ZNF529: variants seen among roughly 807,000 people sequenced by gnomAD.
The protein encoded by ZNF529 is zinc finger protein 529.
A neutral mutation model predicts 10.1 loss-of-function variants in ZNF529; 11 were observed. The ratio of observed to expected loss-of-function variants is 1.09; its 90% CI spans 0.69 to 1.81. The LOEUF (loss-of-function observed/expected upper bound fraction) is 1.81, where lower values mean the gene tolerates loss of function less well. Among genes scored for constraint, ZNF529 ranks in the 40% most tolerant of loss-of-function variants. The probability of loss-of-function intolerance (pLI) is 0.00; values close to 1 mark genes in which losing one functional copy is unlikely to be tolerated. For synonymous variants in ZNF529, 204 were observed against 215.7 expected (o/e 0.95, Z 0.47); for missense variants, 624 against 666.8 (o/e 0.94, Z 0.71).
chr19:36,565,444 T>C (rs1282579993), intron 2 of ZNF529, among the ~76,000 whole-genome samples: 1 of 152,198 alleles, frequency 6.6e-6, no homozygotes. Flanking sequence ...GGCTCACACC[T>C]GTAATCCCAG....
rs2034948214 is a variant in ZNF529, at chr19:36,544,730, CTT to C, written c.*2134_*2135del. ...CATGAAACAACAACCAATTACATAT[CTT>C]TTAAAACTACTTGAATAAGCAATAC... On this transcript the variant is annotated 3_prime_UTR_variant, in exon 5 of 5. Transcript: ENST00000591340. 6.6e-6 allele frequency: 1 copy of C among 152,166 alleles called. No homozygotes were observed. Among genetic ancestry groups the C allele is most frequent in the Non-Finnish European group, 1.5e-5 (1 of 68,028 alleles). The allele number at this position is 152,166 out of a possible 1,614,324, so 9.4% of individuals were successfully genotyped here.
At chr19:36,549,902 T>C (rs1404818295) in intron 4 of ZNF529, among the ~76,000 whole-genome samples, 2 of 152,242 alleles carry the variant, frequency 1.3e-5, no homozygotes, top group Non-Finnish European at 2.9e-5. Context: ...TAATTATAAC[T>C]ACTGTTAGAC....
At position 36,553,949 on chromosome 19, in the gene ZNF529, A is replaced by G. The variant is rs74892360; in HGVS notation, c.235+721T>C. Among the ~76,000 whole-genome samples the G allele has an allele frequency of 5.6e-3, 851 of 152,364 alleles. 26 individuals carry two copies. The highest frequency in any genetic ancestry group is 0.038 in the Admixed American group (579 of 15,302). ...TATGTGTATAAAGTGTACATGAAAC[A>G]TAAATGAATTTTGTGTTTCAATTTG... On this transcript the variant is annotated intron_variant, in intron 4 of 4. Coordinates refer to ENST00000591340, the MANE Select transcript of ZNF529 (RefSeq NM_020951.5).
chr19:36,546,699 A>G lies in ZNF529; in HGVS notation c.*167T>C. 5.8e-6 allele frequency: 4 copies of G among 685,914 alleles called. No individual in the cohort carries two copies. The highest frequency in any genetic ancestry group is 7.0e-6 in the Non-Finnish European group (3 of 430,942). The allele number at this position is 685,914 out of a possible 1,614,324, so 42.5% of individuals were successfully genotyped here. A position where few individuals can be genotyped will look rare whatever the true frequency, so the allele number is the denominator to read the frequency against. ...CAACATCTAACAAAGCTATAAGTAT[A>G]TATCAGCTATGACTAAGCAATTCTA... is the stretch of plus-strand genomic sequence containing the variant. On this transcript the variant is annotated 3_prime_UTR_variant, in exon 5 of 5. Transcript: ENST00000591340.
intron 1 of ZNF529, among the ~76,000 whole-genome samples, chr19:36,592,032 G>A (rs946616806): frequency 1.3e-5 from 2 of 151,936 alleles, no homozygotes; most frequent in Non-Finnish European, 2.9e-5. Flanking sequence ...CCAGCACTTT[G>A]GGAGGCCATA....
chr19:36,564,941 C>A (rs1257526462), intron 2 of ZNF529, among the ~76,000 whole-genome samples: 1 of 152,078 alleles, frequency 6.6e-6, no homozygotes, highest in African/African-American at 2.4e-5. Context: ...TCCTTTGAAG[C>A]AACATGGATG....
At chr19:36,590,802 C>T (rs982373294) in intron 1 of ZNF529, among the ~76,000 whole-genome samples, 1 of 151,244 alleles carries the variant, frequency 6.6e-6, no homozygotes, top group East Asian at 2.0e-4. Context: ...TGGTGGCATG[C>T]GCCTGTAGTC....
intron 1 of ZNF529, among the ~76,000 whole-genome samples, chr19:36,602,535 G>A (rs2036943820): frequency 6.6e-6 from 1 of 151,988 alleles, no homozygotes; most frequent in African/African-American, 2.4e-5. Flanking sequence ...GCTGGATTTG[G>A]CCCACAGGGC....
upstream of ZNF529, chr19:36,574,833 A>G: frequency 2.1e-6 from 1 of 471,254 alleles, no homozygotes; most frequent in Non-Finnish European, 4.4e-6. Context: ...TTTATACATT[A>G]CGAATAAAGC....
chr19:36,560,026 A>G (rs2035621426), intron 2 of ZNF529, among the ~76,000 whole-genome samples: 1 of 152,152 alleles, frequency 6.6e-6, no homozygotes, highest in Non-Finnish European at 1.5e-5. Flanking sequence ...TGAGAGGCTG[A>G]GGCGGGAGGA....
chr19:36,593,379 G>A (rs922116890), intron 1 of ZNF529, among the ~76,000 whole-genome samples: 3 of 152,100 alleles, frequency 2.0e-5, no homozygotes, highest in Non-Finnish European at 2.9e-5. Flanking sequence ...ATGTTGCCCA[G>A]GCTACTCTTG....
rs747042771 is a variant in ZNF529 at position 36,544,770 on chromosome 19, T to TAGC, written c.*2093_*2095dup. ...GAATAAGCAATACTTACATAAAACATAGCTCAATATATCAGATGAGAAAAT... is the reference window on the plus strand; with the variant it reads ...GAATAAGCAATACTTACATAAAACATAGCAGCTCAATATATCAGATGAGAAAAT... On this transcript the variant is annotated 3_prime_UTR_variant, in exon 5 of 5. Transcript: ENST00000591340. 1.3e-5 allele frequency: 2 copies of TAGC among 152,184 alleles called. No homozygotes were observed. The highest frequency in any genetic ancestry group is 2.9e-5 in the Non-Finnish European group (2 of 68,024). 9.4% of individuals were successfully genotyped at this position (152,184 alleles called of 1,614,324 possible). A position where few individuals can be genotyped will look rare whatever the true frequency, so the allele number is the denominator to read the frequency against.
intron 2 of ZNF529, among the ~76,000 whole-genome samples, chr19:36,587,990 A>C (rs2036618669): frequency 6.6e-6 from 1 of 152,150 alleles, no homozygotes; most frequent in African/African-American, 2.4e-5. Flanking sequence ...TTTACTAAAA[A>C]TACAAAAATT....
At chr19:36,566,014 C>A (rs1221290856) in intron 2 of ZNF529, among the ~76,000 whole-genome samples, 2 of 152,192 alleles carry the variant, frequency 1.3e-5, no homozygotes, top group Non-Finnish European at 2.9e-5. Flanking sequence ...GGGTCTCACT[C>A]TTTTGCCCCG....
At position 36,582,294 on chromosome 19, in the gene ZNF529, T is replaced by C. The variant is rs567865831; in HGVS notation, c.-41+7321A>G. On this transcript the variant is annotated intron_variant, in intron 2 of 4. Transcript: ENST00000585960. The stretch of plus-strand genomic sequence containing the variant: ...GAGCTGTATACTCAAATAGTTAAGA[T>C]GGTAAATTTTATGTTACATGTATAC... 5 of 152,302 alleles carry C rather than the reference T, an allele frequency of 3.3e-5. No homozygotes were observed. In the East Asian group the frequency reaches 7.7e-4, roughly 23 times the overall value. 9.4% of individuals were successfully genotyped at this position (152,302 alleles called of 1,614,324 possible). A position where few individuals can be genotyped will look rare whatever the true frequency, so the allele number is the denominator to read the frequency against.
At chr19:36,588,867 A>AT (rs1292250293) in intron 2 of ZNF529, among the ~76,000 whole-genome samples, 6 of 152,006 alleles carry the variant, frequency 3.9e-5, no homozygotes, top group African/African-American at 1.2e-4. Context: ...ACCAGCAAAC[A>AT]TAAGTGTTTC....
At chr19:36,569,913 T>G (rs3108593) in intron 2 of ZNF529, among the ~76,000 whole-genome samples, 101,166 of 152,050 alleles carry the variant, frequency 0.67, 33,943 homozygotes, top group African/African-American at 0.71. Context: ...ACAGAGTCTA[T>G]GTATATCTGA....
At chr19:36,573,730 A>T (rs1476816413), upstream of ZNF529, among the ~76,000 whole-genome samples, 2 of 152,088 alleles carry the variant, frequency 1.3e-5, no homozygotes, top group East Asian at 3.9e-4. Context: ...GGAAACCCGG[A>T]CCCCAGGCTG....
intron 2 of ZNF529, among the ~76,000 whole-genome samples, chr19:36,589,403 C>T (rs1033650325): frequency 2.6e-5 from 4 of 152,164 alleles, no homozygotes; most frequent in African/African-American, 9.7e-5. Flanking sequence ...GAACTGATTG[C>T]TTGCTTGCTG....
Sources: gnomAD v4.1 joint callset for allele counts (sites outside exome capture counted in the v4.1 genomes callset) on GRCh38, gnomAD v4.1.1 for gene constraint, MANE v1.5 for transcripts, NCBI Gene and HGNC (gene_info 2026-07-23, HGNC 2026-07-21) for gene names.